Variants in TNKS observed in about 807,000 individuals in gnomAD.
TNKS encodes poly [ADP-ribose] polymerase tankyrase-1.
A neutral mutation model predicts 135.8 loss-of-function variants in TNKS; 72 were observed. The ratio of observed to expected loss-of-function variants is 0.53; its 90% CI spans 0.44 to 0.64. TNKS has a LOEUF of 0.64. Among genes scored for constraint, TNKS ranks in the 30% least tolerant of loss-of-function variants. The pLI, the probability that TNKS is intolerant of heterozygous loss-of-function variation, is 0.00. For missense variants in TNKS, 1,769 were observed against 1,674.0 expected (o/e 1.06, Z -0.99); for synonymous variants, 849 against 649.3 (o/e 1.31, Z -4.68).
At chr8:9,722,021 C>T (rs912985390) in intron 12 of TNKS, among the ~76,000 whole-genome samples, 1 of 150,278 alleles carries the variant, frequency 6.7e-6, no homozygotes, top group African/African-American at 2.5e-5. Context: ...CCACTGCACT[C>T]CATCCAGCCT....
Position 9,777,097 on chromosome 8 carries a change from T to C in TNKS, c.*361T>C, listed in dbSNP as rs1421871194. On this transcript the variant is annotated 3_prime_UTR_variant, in exon 27 of 27. Transcript: ENST00000310430. Reference sequence around the variant, plus strand: ...TTCACACACTACATTTGTTTTGTTATGCATGACGTGTCTATAACAAATATA... The same window carrying C: ...TTCACACACTACATTTGTTTTGTTACGCATGACGTGTCTATAACAAATATA... The C allele has an allele frequency of 4.9e-5, 11 of 225,040 alleles. No individual in the cohort carries two copies. Among genetic ancestry groups the C allele is most frequent in the Non-Finnish European group, 9.8e-5 (11 of 111,948 alleles). 13.9% of individuals were successfully genotyped at this position (225,040 alleles called of 1,614,324 possible).
intron 3 of TNKS, among the ~76,000 whole-genome samples, chr8:9,667,757 A>G (rs531115815): frequency 4.0e-4 from 61 of 151,334 alleles, no homozygotes; most frequent in Non-Finnish European, 7.2e-4. Context: ...TCCCAAAAGT[A>G]TCACTAAATC....
intron 1 of TNKS, among the ~76,000 whole-genome samples, chr8:9,571,486 C>G (rs1797756034): frequency 6.6e-6 from 1 of 152,052 alleles, no homozygotes; most frequent in African/African-American, 2.4e-5. Context: ...GAGATGGAGT[C>G]TCACTCTGTC....
chr8:9,744,795 G>A (rs1210707678), intron 17 of TNKS, among the ~76,000 whole-genome samples: 2 of 152,122 alleles, frequency 1.3e-5, no homozygotes, highest in African/African-American at 4.8e-5. Context: ...GTCTATTTGG[G>A]TAGTAATATA....
At chr8:9,671,238 C>T (rs1022961107) in intron 3 of TNKS, 23 of 152,080 alleles carry the variant, frequency 1.5e-4, no homozygotes, top group African/African-American at 5.6e-4. Flanking sequence ...CCCAGCAACC[C>T]CACTGCTAGA....
At chr8:9,700,132 C>G (rs572237525) in intron 5 of TNKS, among the ~76,000 whole-genome samples, 111 of 152,228 alleles carry the variant, frequency 7.3e-4, no homozygotes, top group Middle Eastern at 3.4e-3. Context: ...CCAGCCTTCC[C>G]GGGTGTCCTG....
intron 12 of TNKS, among the ~76,000 whole-genome samples, chr8:9,720,837 T>A (rs570688808): frequency 6.6e-6 from 1 of 152,322 alleles, no homozygotes; most frequent in African/African-American, 2.4e-5. Context: ...TTATGGTAGC[T>A]ATAAAATCTA....
rs1230924911 is a variant in TNKS at position 9,782,232 on chromosome 8, G to A, written c.*5496G>A. 3 of 152,532 alleles carry A rather than the reference G, an allele frequency of 2.0e-5. No homozygotes were observed. The highest frequency in any genetic ancestry group is 4.4e-5 in the Non-Finnish European group (3 of 68,040). The allele number at this position is 152,532 out of a possible 1,614,324, so 9.4% of individuals were successfully genotyped here. On this transcript the variant is annotated 3_prime_UTR_variant, in exon 27 of 27. Transcript: ENST00000310430. ...GGAACTTAACCTGCCTGCCTGGTGGGTTTCTATTTAAGACATCTTTGTGAT... is the reference window on the plus strand; with the variant it reads ...GGAACTTAACCTGCCTGCCTGGTGGATTTCTATTTAAGACATCTTTGTGAT...
At chr8:9,578,397 C>G (rs571444312) in intron 1 of TNKS, among the ~76,000 whole-genome samples, 10 of 152,224 alleles carry the variant, frequency 6.6e-5, no homozygotes, top group African/African-American at 2.4e-4. Context: ...AAGATGCTGA[C>G]AGTTTACTTG....
At chr8:9,680,990 C>G in intron 5 of TNKS, 190 bp downstream of exon 5, 1 of 434,328 alleles carries the variant, frequency 2.3e-6, no homozygotes, top group East Asian at 3.5e-5. Context: ...AAGCATGGAT[C>G]TTAAGTAAGC....
intron 3 of TNKS, 85 bp from the exon 4 acceptor site, chr8:9,679,866 A>G (rs1563163124): frequency 5.3e-6 from 6 of 1,135,224 alleles, no homozygotes; most frequent in African/African-American, 1.5e-5. Context: ...GTTCTTCTCT[A>G]TTTAATTCTC....
At chr8:9,610,433 G>A (rs916289423) in intron 2 of TNKS, among the ~76,000 whole-genome samples, 1 of 151,702 alleles carries the variant, frequency 6.6e-6, no homozygotes, top group African/African-American at 2.4e-5. Context: ...ACATGTTTGT[G>A]TAGAAGAAAT....
At chr8:9,662,900 C>T (rs1003049202) in intron 3 of TNKS, among the ~76,000 whole-genome samples, 1 of 152,130 alleles carries the variant, frequency 6.6e-6, no homozygotes, top group Non-Finnish European at 1.5e-5. Context: ...CATACTAATC[C>T]CCAGAACCTG....
At chr8:9,741,590 C>G (rs1484568385) in intron 17 of TNKS, 2 of 374,468 alleles carry the variant, frequency 5.3e-6, no homozygotes, top group Admixed American at 2.4e-5. Context: ...CTTGCACAGT[C>G]TTTATAGCTG....
intron 18 of TNKS, 50 bp from the exon 19 acceptor site, chr8:9,751,559 A>G (rs1368693940): frequency 6.5e-7 from 1 of 1,531,038 alleles, no homozygotes. Context: ...AAAACTTACC[A>G]TTTTAATATA....
intron 13 of TNKS, among the ~76,000 whole-genome samples, chr8:9,728,220 G>C (rs1401609552): frequency 6.6e-6 from 1 of 152,150 alleles, no homozygotes; most frequent in African/African-American, 2.4e-5. Flanking sequence ...AAACAAAGCA[G>C]CACAAATTGA....
At chr8:9,672,718 AAAAAAAC>A (rs1802352447) in intron 3 of TNKS, among the ~76,000 whole-genome samples, 2 of 149,878 alleles carry the variant, frequency 1.3e-5, no homozygotes, top group Non-Finnish European at 3.0e-5. Flanking sequence ...ACACAAAAAA[AAAAAAAC>A]AAACTAATAT....
chr8:9,587,439 G>A (rs376511387), intron 2 of TNKS, among the ~76,000 whole-genome samples: 96 of 148,448 alleles, frequency 6.5e-4, no homozygotes, highest in East Asian at 2.2e-3. Flanking sequence ...TCGCTCTGTC[G>A]CCCAGGCTGG....
At chr8:9,703,405 T>G (rs1171554295) in intron 5 of TNKS, among the ~76,000 whole-genome samples, 3 of 152,216 alleles carry the variant, frequency 2.0e-5, no homozygotes, top group Non-Finnish European at 4.4e-5. Flanking sequence ...GTTTTTCAGA[T>G]AGCGAGGATG....
Sources: allele counts gnomAD v4.1 joint callset (sites outside exome capture counted in the v4.1 genomes callset), GRCh38; gene constraint gnomAD v4.1.1; transcripts MANE v1.5; gene names NCBI Gene and HGNC (gene_info 2026-07-23, HGNC 2026-07-21).